The following DCAF6 variants were observed in gnomAD, a reference collection of about 807,000 sequenced individuals.
DCAF6 encodes DDB1 and CUL4 associated factor 6.
In DCAF6, 54 loss-of-function variants were observed where a neutral mutation model predicts 125.1. The ratio of observed to expected loss-of-function variants is 0.43; its 90% CI spans 0.35 to 0.54. DCAF6 has a LOEUF of 0.54. Ranked by LOEUF, DCAF6 falls within the 20% of genes least tolerant of loss-of-function variation. DCAF6 has a pLI of 0.01. For synonymous variants in DCAF6, 371 were observed against 390.4 expected (o/e 0.95, Z 0.58); for missense variants, 934 against 1,161.7 (o/e 0.80, Z 2.85).
the DCAF6 span, among the ~76,000 whole-genome samples, chr1:167,930,690 G>C: frequency 6.6e-6 from 1 of 152,188 alleles, no homozygotes; most frequent in African/African-American, 2.4e-5. Flanking sequence ...GAGAGTTCTG[G>C]ATAGAGCAAC....
In DCAF6 at chr1:168,068,468, G is replaced by T. The variant is rs370460448; in HGVS notation, c.2791+5G>T. The T allele has an allele frequency of 4.8e-5, 69 of 1,450,782 alleles. No individual in the cohort carries two copies. Among genetic ancestry groups the T allele is most frequent in the Non-Finnish European group, 6.0e-5 (65 of 1,089,804 alleles). The allele number at this position is 1,450,782 out of a possible 1,614,324, so 89.9% of individuals were successfully genotyped here. A position where few individuals can be genotyped will look rare whatever the true frequency, so the allele number is the denominator to read the frequency against. On this transcript the variant is annotated splice_donor_5th_base_variant and intron_variant, in intron 21 of 21. Transcript: ENST00000367840. ...CACTTAATCATATCCGAGCTGGTAG[G>T]AACTTTAAGTATACTACTAAAACCA... is the stretch of plus-strand genomic sequence containing the variant.
chr1:167,901,063 G>T, the DCAF6 span, among the ~76,000 whole-genome samples: 2 of 152,266 alleles, frequency 1.3e-5, no homozygotes, highest in East Asian at 3.9e-4. Flanking sequence ...ATACAATGAT[G>T]CCTGTATCTC....
At chr1:167,924,302 A>G in the DCAF6 span, 530 of 420,902 alleles carry the variant, frequency 1.3e-3, 1 homozygote, top group African/African-American at 0.01. Context: ...CCTCTTATCT[A>G]AAGAGTTCAG....
the DCAF6 span, among the ~76,000 whole-genome samples, chr1:167,864,492 T>C: frequency 5.9e-5 from 9 of 152,032 alleles, no homozygotes; most frequent in South Asian, 4.1e-4. Flanking sequence ...TTTCTGTACG[T>C]AGACAATTAC....
At position 168,043,069 on chromosome 1, in the gene DCAF6, A is replaced by C. The variant is rs201641031; in HGVS notation, c.1772A>C (p.Lys591Thr). 16 of 1,613,016 alleles carry C rather than the reference A, an allele frequency of 9.9e-6. No individual in the cohort carries two copies. In the East Asian group the frequency reaches 1.6e-4, roughly 16 times the overall value. ...SSSRGIGSHC[K>T]SEGQEESFVP... ...TCTAGAGGAATTGGGAGCCATTGCA[A>C]ATCTGAGGGTCAGGAGGAATCTTTC... Residue 591 changes from lysine (K) to threonine (T), a missense_variant, in exon 14 of 22, where the codon AAA becomes ACA. This residue lies in a region of DCAF6 where 559 missense variants were observed against 635.5 expected (regional missense o/e 0.88). Coordinates refer to ENST00000367840, the MANE Select transcript of DCAF6 (RefSeq NM_001198956.2).
chr1:167,951,599 C>G (rs182543329), intron 1 of DCAF6, among the ~76,000 whole-genome samples: 1 of 151,930 alleles, frequency 6.6e-6, no homozygotes, highest in Non-Finnish European at 1.5e-5. Flanking sequence ...CAAAAAACTG[C>G]GTGAGGTAGA....
intron 12 of DCAF6, among the ~76,000 whole-genome samples, chr1:168,035,817 C>A (rs1179722321): frequency 6.6e-6 from 1 of 152,126 alleles, no homozygotes; most frequent in Non-Finnish European, 1.5e-5. Flanking sequence ...AATCCCAGCA[C>A]TTTGGGAGGC....
At chr1:168,062,281 A>G (rs758496764) in intron 17 of DCAF6, among the ~76,000 whole-genome samples, 11 of 152,214 alleles carry the variant, frequency 7.2e-5, no homozygotes, top group Non-Finnish European at 1.2e-4. Flanking sequence ...AGGAGACTTC[A>G]GGAATTCTGG....
intron 2 of DCAF6, among the ~76,000 whole-genome samples, chr1:167,954,202 C>T (rs545396583): frequency 1.3e-5 from 2 of 152,008 alleles, no homozygotes; most frequent in Admixed American, 6.5e-5. Context: ...GACGGGGTTT[C>T]GCCGTGTTGG....
At chr1:167,925,454 T>TATATATATATATACATATAC in the DCAF6 span, among the ~76,000 whole-genome samples, 1 of 114,706 alleles carries the variant, frequency 8.7e-6, no homozygotes, top group Non-Finnish European at 1.8e-5. Context: ...TATATATATA[T>TATATATATATATACATATAC]ATATATATAT....
the DCAF6 span, among the ~76,000 whole-genome samples, chr1:167,921,658 T>C: frequency 6.6e-6 from 1 of 152,190 alleles, no homozygotes; most frequent in Non-Finnish European, 1.5e-5. Context: ...GTCACTATGT[T>C]TGTCCCCAAT....
Position 167,936,723 on chromosome 1 carries a change from C to T in DCAF6, c.-189C>T. The T allele has an allele frequency of 1.7e-5, 10 of 593,794 alleles. 1 individual carries two copies. In the South Asian group the frequency reaches 2.0e-4, roughly 12 times the overall value. The allele number at this position is 593,794 out of a possible 1,614,324, so 36.8% of individuals were successfully genotyped here. ...TCTAAGAAGGAGAGTATGAGGCGAG[C>T]TCCGGCCCGGGTGCGGCCGGGCTTC... is the stretch of plus-strand genomic sequence containing the variant. On this transcript the variant is annotated 5_prime_UTR_variant, in exon 1 of 22. Coordinates refer to ENST00000367840, the MANE Select transcript of DCAF6 (RefSeq NM_001198956.2).
intron 16 of DCAF6, among the ~76,000 whole-genome samples, chr1:168,049,204 T>C (rs551968609): frequency 1.3e-5 from 2 of 152,276 alleles, no homozygotes; most frequent in South Asian, 4.1e-4. Flanking sequence ...AAAAATAGTA[T>C]GTGTATCTTT....
Position 168,072,941 on chromosome 1 carries a change from A to G in DCAF6, c.2792-2430A>G, listed in dbSNP as rs538529426. Among the ~76,000 whole-genome samples the G allele has an allele frequency of 1.4e-4, 21 of 152,298 alleles. No homozygotes were observed. In the South Asian group the frequency reaches 4.4e-3, roughly 32 times the overall value. Reference sequence around the variant, plus strand: ...AATGTAAACCTTATTTACAAAAGCAATTTGACATTGCTACTTCTGAAAAAC... The same window carrying G: ...AATGTAAACCTTATTTACAAAAGCAGTTTGACATTGCTACTTCTGAAAAAC... On this transcript the variant is annotated intron_variant, in intron 21 of 21. Transcript: ENST00000367840.
intron 13 of DCAF6, among the ~76,000 whole-genome samples, chr1:168,041,330 T>C (rs1688504933): frequency 6.6e-6 from 1 of 152,104 alleles, no homozygotes; most frequent in Non-Finnish European, 1.5e-5. Flanking sequence ...ATGAGGATTA[T>C]ACCATTTGTC....
At chr1:167,874,977 G>A in the DCAF6 span, among the ~76,000 whole-genome samples, 1 of 152,054 alleles carries the variant, frequency 6.6e-6, no homozygotes, top group African/African-American at 2.4e-5. Flanking sequence ...GAGTAATCCT[G>A]GTGTATTGCT....
At chr1:167,933,239 C>G (rs1485348785), upstream of DCAF6, among the ~76,000 whole-genome samples, 8 of 150,304 alleles carry the variant, frequency 5.3e-5, no homozygotes, top group Non-Finnish European at 1.5e-5. Flanking sequence ...ACGATCTTGG[C>G]TAACTGCAAC....
chr1:168,023,549 A>C (rs898916144), intron 12 of DCAF6: 1 of 159,996 alleles, frequency 6.3e-6, no homozygotes, highest in Non-Finnish European at 1.4e-5. Flanking sequence ...GTAAGCTCAA[A>C]AGCTGTCAGT....
At chr1:167,883,726 C>G in the DCAF6 span, 1 of 1,127,708 alleles carries the variant, frequency 8.9e-7, no homozygotes, top group South Asian at 1.3e-5. Context: ...TAGGGAATGT[C>G]TACCTCAGAA....
Sources: gnomAD v4.1 joint callset for allele counts (sites outside exome capture counted in the v4.1 genomes callset) on GRCh38, gnomAD v4.1.1 for gene constraint, gnomAD v4.1.1 regional missense constraint, MANE v1.5 for transcripts, NCBI Gene and HGNC (gene_info 2026-07-23, HGNC 2026-07-21) for gene names.